STRIP2: variants seen among roughly 807,000 people sequenced by gnomAD.
The protein encoded by STRIP2 is striatin-interacting protein 2.
In STRIP2, 84 loss-of-function variants were observed where a neutral mutation model predicts 107.1. The observed-to-expected ratio is 0.78, with a 90% CI of 0.66 to 0.94. STRIP2 has a LOEUF of 0.94. Among genes scored for constraint, STRIP2 ranks in the 40% least tolerant of loss-of-function variants. STRIP2 has a pLI of 0.00. For missense variants in STRIP2, 888 were observed against 1,034.2 expected (o/e 0.86, Z 1.94); for synonymous variants, 394 against 400.4 (o/e 0.98, Z 0.19).
chr7:129,454,457 T>A lies in STRIP2; in HGVS notation c.636T>A (p.Asn212Lys). Residue 212 changes from asparagine (N) to lysine (K), a missense_variant, in exon 7 of 21, where the codon AAT becomes AAA. Transcript: ENST00000249344. ...GTGTTATGTACCTAATGGTGGAAAA[T>A]ATTCGCCTGGAGCGAGAGACAGACC... ...LLSVMYLMVE[N>K]IRLERETDPC... 2 of 1,613,960 alleles carry A rather than the reference T, an allele frequency of 1.2e-6. No individual in the cohort carries two copies. The highest frequency in any genetic ancestry group is 1.7e-6 in the Non-Finnish European group (2 of 1,179,990).
chr7:129,483,069 A>ACAGC lies in STRIP2; in HGVS notation c.2254+24_2254+25insAGCC, dbSNP rs1799169336. ...ATGGTGAGTCTTCCCAAAGCTCTTG[A>ACAGC]CTTCCTGGAGTTTCCTGGGGTTTAG... is the stretch of plus-strand genomic sequence containing the variant. On this transcript the variant is annotated intron_variant, in intron 20 of 20. Coordinates refer to ENST00000249344, the MANE Select transcript of STRIP2 (RefSeq NM_020704.3). The surrounding 1 kb of genome is among the most constrained non-coding windows in gnomAD (Gnocchi z 5.1). The ACAGC allele has an allele frequency of 6.2e-7, 1 of 1,611,598 alleles. No homozygotes were observed. The highest frequency in any genetic ancestry group is 1.3e-5 in the African/African-American group (1 of 74,854).
chr7:129,445,146 T>C (rs531843348), intron 3 of STRIP2, among the ~76,000 whole-genome samples: 3 of 152,288 alleles, frequency 2.0e-5, no homozygotes, highest in Admixed American at 2.0e-4. Context: ...TGGGGTGTTG[T>C]AGTTTCCCAT....
At chr7:129,475,958 G>A (rs1366865875) in intron 18 of STRIP2, among the ~76,000 whole-genome samples, 2 of 151,944 alleles carry the variant, frequency 1.3e-5, no homozygotes, top group East Asian at 3.9e-4. Context: ...TCCCATGCCC[G>A]CCTCTTTCTA....
chr7:129,453,270 G>C lies in STRIP2; in HGVS notation c.453G>C (p.Trp151Cys), dbSNP rs760203063. 3.1e-6 allele frequency: 5 copies of C among 1,614,116 alleles called. No homozygotes were observed. The highest frequency in any genetic ancestry group is 4.2e-6 in the Non-Finnish European group (5 of 1,180,006). The change falls in exon 5 of 21, where the codon TGG (tryptophan) becomes TGC (cysteine). Residue 151 changes from tryptophan (W) to cysteine (C), a missense_variant. Trp to Cys is a radical substitution (Grantham distance 215). Coordinates refer to ENST00000249344, the MANE Select transcript of STRIP2 (RefSeq NM_020704.3). ...ECDSEVDVLH[W>C]SRYNCFLLYQ... ...ATTCAGAGGTCGATGTGCTACACTG[G>C]TCCAGGTACAACTGCTTCCTGCTGT...
chr7:129,439,728 T>C (rs1223862198), intron 1 of STRIP2, among the ~76,000 whole-genome samples: 1 of 152,250 alleles, frequency 6.6e-6, no homozygotes, highest in African/African-American at 2.4e-5. Flanking sequence ...TGTGTTCATG[T>C]AGATTAGATA....
intron 1 of STRIP2, among the ~76,000 whole-genome samples, 166 bp from the exon 2 acceptor site, chr7:129,439,856 C>T (rs1216500695): frequency 2.6e-5 from 4 of 152,148 alleles, no homozygotes; most frequent in Admixed American, 2.6e-4. Context: ...TTTGGCTTGG[C>T]GTAGGGTACC....
intron 3 of STRIP2, among the ~76,000 whole-genome samples, chr7:129,446,838 A>T (rs907083391): frequency 6.6e-6 from 1 of 152,192 alleles, no homozygotes; most frequent in Non-Finnish European, 1.5e-5. Flanking sequence ...GCTGCTGTGC[A>T]CGACCCACTT....
chr7:129,467,255 A>T lies in STRIP2; in HGVS notation c.1777-95A>T, dbSNP rs907280308. 1.5e-5 allele frequency: 13 copies of T among 872,378 alleles called. No homozygotes were observed. The African/African-American group carries it at 2.2e-4, about 15-fold the overall frequency. 54.0% of individuals were successfully genotyped at this position (872,378 alleles called of 1,614,324 possible). On this transcript the variant is annotated intron_variant, in intron 16 of 20. Transcript: ENST00000249344. The stretch of plus-strand genomic sequence containing the variant: ...AAGTGGATAGTAGATATTCTCAGGA[A>T]TGGATATTAGATTTGTATTTCCTCT...
chr7:129,469,655 C>CTG (rs1562912194), intron 17 of STRIP2, among the ~76,000 whole-genome samples: 1 of 152,260 alleles, frequency 6.6e-6, no homozygotes, highest in Non-Finnish European at 1.5e-5. Flanking sequence ...CTCTCCCAAG[C>CTG]TGACCCTTCT....
chr7:129,440,205 C>A, intron 2 of STRIP2, 114 bp downstream of exon 2: 1 of 811,438 alleles, frequency 1.2e-6, no homozygotes, highest in Non-Finnish European at 2.1e-6. Context: ...TGAACAAAGG[C>A]TGTTCTCCAC....
In STRIP2 at chr7:129,468,768, C is replaced by T. The variant is rs559560475; in HGVS notation, c.1877+1318C>T. Among the ~76,000 whole-genome samples the T allele has an allele frequency of 2.6e-5, 4 of 152,346 alleles. 1 individual carries two copies. In the East Asian group the frequency reaches 7.7e-4, roughly 29 times the overall value. On this transcript the variant is annotated intron_variant, in intron 17 of 20. Transcript: ENST00000249344. The stretch of plus-strand genomic sequence containing the variant: ...AAAGTAACCAAAACTAGCTGGACTA[C>T]ACTCATGCAGAATAGCGACTTTGTC...
At chr7:129,455,041 A>G (rs900162689) in intron 7 of STRIP2, among the ~76,000 whole-genome samples, 3 of 152,342 alleles carry the variant, frequency 2.0e-5, no homozygotes, top group East Asian at 3.9e-4. Flanking sequence ...TCTGGGGCCT[A>G]TGCCATTTTA....
chr7:129,456,141 C>A (rs201453592), intron 8 of STRIP2, among the ~76,000 whole-genome samples: 2 of 81,000 alleles, frequency 2.5e-5, no homozygotes, highest in African/African-American at 7.5e-5. Flanking sequence ...TCGATAGTTT[C>A]TTTTTTTTCT....
chr7:129,476,257 G>T (rs1462575214), intron 18 of STRIP2, among the ~76,000 whole-genome samples: 1 of 150,624 alleles, frequency 6.6e-6, no homozygotes, highest in African/African-American at 2.4e-5. Context: ...CCTCCCTCCC[G>T]GGCGGGGCGG....
chr7:129,440,115 C>G, intron 2 of STRIP2, 24 bp downstream of exon 2: 1 of 1,605,112 alleles, frequency 6.2e-7, no homozygotes, highest in South Asian at 1.1e-5. Context: ...GGGTCAGTAG[C>G]TAGTGGAAGA....
At chr7:129,434,622 CG>C in intron 1 of STRIP2, 21 bp downstream of exon 1, 2 of 1,463,032 alleles carry the variant, frequency 1.4e-6, no homozygotes, top group Non-Finnish European at 1.8e-6. Flanking sequence ...CGGAAAGCTT[CG>C]GCTGGGGCCC....
chr7:129,454,057 A>T, intron 5 of STRIP2, 85 bp from the exon 6 acceptor site: 1 of 1,281,024 alleles, frequency 7.8e-7, no homozygotes, highest in Non-Finnish European at 1.1e-6. Flanking sequence ...AATGGCAAGC[A>T]CTCATATTTG....
chr7:129,459,440 A>C, intron 11 of STRIP2, 77 bp from the exon 12 acceptor site: 1 of 1,254,270 alleles, frequency 8.0e-7, no homozygotes, highest in Non-Finnish European at 1.2e-6. Context: ...TGGTCTGTTG[A>C]CTCTAGGGGG....
chr7:129,486,370 A>G lies in STRIP2; in HGVS notation c.*541A>G, dbSNP rs1361247633. The G allele has an allele frequency of 6.3e-6, 1 of 159,652 alleles. No individual in the cohort carries two copies. Among genetic ancestry groups the G allele is most frequent in the East Asian group, 1.8e-4 (1 of 5,558 alleles). 9.9% of individuals were successfully genotyped at this position (159,652 alleles called of 1,614,324 possible). ...AGCACCTGCACCTTCTTTGTGAAGG[A>G]TGATGATTTACTATTCCCTCAATAC... On this transcript the variant is annotated 3_prime_UTR_variant, in exon 21 of 21. Transcript: ENST00000249344.
Sources: gnomAD v4.1 joint callset for allele counts (sites outside exome capture counted in the v4.1 genomes callset) on GRCh38, gnomAD v4.1.1 for gene constraint, Gnocchi (gnomAD v3.1) non-coding constraint, MANE v1.5 for transcripts, NCBI Gene and HGNC (gene_info 2026-07-23, HGNC 2026-07-21) for gene names.